The following LIMCH1 variants were observed in gnomAD, a reference collection of about 807,000 sequenced individuals.
LIMCH1 encodes the protein LIM and calponin homology domains-containing protein 1.
In LIMCH1, 113 loss-of-function variants were observed where a neutral mutation model predicts 176.5. The observed-to-expected ratio is 0.64, with a 90% CI of 0.55 to 0.75. LIMCH1 has a LOEUF of 0.75. Among genes scored for constraint, LIMCH1 ranks in the 30% least tolerant of loss-of-function variants. The probability of loss-of-function intolerance (pLI) is 0.00; values close to 1 mark genes in which losing one functional copy is unlikely to be tolerated. For synonymous variants in LIMCH1, 619 were observed against 645.9 expected (o/e 0.96, Z 0.63); for missense variants, 1,674 against 1,814.9 (o/e 0.92, Z 1.41).
rs574172007 is a variant in LIMCH1 at position 41,450,573 on chromosome 4, G to A, written c.97-43963G>A. Among the ~76,000 whole-genome samples the A allele has an allele frequency of 4.4e-3, 676 of 151,934 alleles. 3 individuals are homozygous for A. The highest frequency in any genetic ancestry group is 0.016 in the African/African-American group (651 of 41,438). On this transcript the variant is annotated intron_variant, in intron 1 of 26. Transcript: ENST00000313860. ...TCCCAGCACTTTGGGAGGCTGAGGC[G>A]GGCGGATCACTTGAGGTCAGGAGTT... is the stretch of plus-strand genomic sequence containing the variant.
chr4:41,430,583 A>C (rs1258730393), intron 1 of LIMCH1, among the ~76,000 whole-genome samples: 1 of 152,232 alleles, frequency 6.6e-6, no homozygotes, highest in African/African-American at 2.4e-5. Context: ...GTATTTTAAA[A>C]GATTAGGAAT....
chr4:41,487,721 T>G (rs546455269), intron 1 of LIMCH1, among the ~76,000 whole-genome samples: 13 of 145,998 alleles, frequency 8.9e-5, no homozygotes, highest in Non-Finnish European at 1.8e-4. Context: ...TGCAGTGGTG[T>G]GATCTCGGCT....
chr4:41,619,051 T>G (rs2092362838), intron 5 of LIMCH1, 137 bp from the exon 6 acceptor site: 3 of 1,025,374 alleles, frequency 2.9e-6, no homozygotes, highest in Admixed American at 2.2e-5. Context: ...AATCTACACT[T>G]TAGATTTGTT....
At chr4:41,413,245 G>T in intron 1 of LIMCH1, among the ~76,000 whole-genome samples, 4 of 143,562 alleles carry the variant, frequency 2.8e-5, no homozygotes, top group Admixed American at 7.0e-5. Flanking sequence ...TTAAATATCA[G>T]TTTTGTGTGT....
At chr4:41,436,800 GA>G (rs33940518) in intron 1 of LIMCH1, among the ~76,000 whole-genome samples, 20,367 of 150,598 alleles carry the variant, frequency 0.14, 1,589 homozygotes, top group South Asian at 0.22. Flanking sequence ...GGAGCTGGTT[GA>G]AAAAAAAAAT....
In LIMCH1 at chr4:41,484,862, A is replaced by C. The variant is rs534080536; in HGVS notation, c.97-9674A>C. ...TAAACTCTTCTTCAGACAGTTTGTG[A>C]GTGGACTGTAGTTTGTCTACCAGAT... On this transcript the variant is annotated intron_variant, in intron 1 of 26. Transcript: ENST00000313860. Among the ~76,000 whole-genome samples the C allele has an allele frequency of 3.3e-5, 5 of 152,320 alleles. No homozygotes were observed. In the South Asian group the frequency reaches 1.0e-3, roughly 32 times the overall value.
At position 41,691,703 on chromosome 4, in the gene LIMCH1, C is replaced by A. The variant is rs1028130040; in HGVS notation, c.4276-579C>A. On this transcript the variant is annotated intron_variant, in intron 30 of 31. Transcript: ENST00000503057. Reference sequence around the variant, plus strand: ...GCTTGAGCCCAGGAAGTGGAGGTTGCAGTGAGCTGAGATCATGCCATTGCA... The same window carrying A: ...GCTTGAGCCCAGGAAGTGGAGGTTGAAGTGAGCTGAGATCATGCCATTGCA... 7.9e-5 allele frequency among the ~76,000 whole-genome samples: 12 copies of A among 152,088 alleles called. No homozygotes were observed. The East Asian group carries it at 1.5e-3, about 20-fold the overall frequency.
At chr4:41,524,595 C>T (rs554439693) in intron 3 of LIMCH1, 37 of 773,106 alleles carry the variant, frequency 4.8e-5, no homozygotes, top group African/African-American at 2.1e-4. Flanking sequence ...TGAATGAGAA[C>T]GCATTGAATC....
chr4:41,531,830 G>T (rs2077354010), intron 3 of LIMCH1, among the ~76,000 whole-genome samples: 1 of 152,140 alleles, frequency 6.6e-6, no homozygotes, highest in South Asian at 2.1e-4. Context: ...TGTAGTAGTT[G>T]CATGGTACGA....
intron 1 of LIMCH1, among the ~76,000 whole-genome samples, chr4:41,482,401 G>A (rs930766486): frequency 1.3e-5 from 2 of 152,174 alleles, no homozygotes; most frequent in Non-Finnish European, 2.9e-5. Flanking sequence ...GGAAGAGAAT[G>A]ACATAGAAGT....
At chr4:41,428,035 A>G (rs7675059) in intron 1 of LIMCH1, among the ~76,000 whole-genome samples, 35,640 of 151,978 alleles carry the variant, frequency 0.23, 5,344 homozygotes, top group African/African-American at 0.41. Context: ...TGTGTGCTGG[A>G]GAATAATAAG....
At chr4:41,532,162 G>A (rs1020750999) in intron 3 of LIMCH1, among the ~76,000 whole-genome samples, 7 of 152,092 alleles carry the variant, frequency 4.6e-5, no homozygotes, top group South Asian at 2.1e-4. Context: ...ACTACACACC[G>A]CAGGGAAAAA....
At chr4:41,360,137 G>A (rs183240745), upstream of LIMCH1, among the ~76,000 whole-genome samples, 2 of 152,156 alleles carry the variant, frequency 1.3e-5, no homozygotes, top group Non-Finnish European at 2.9e-5. This position sits in a 1 kb window ranked among gnomAD's most constrained non-coding sequence, Gnocchi z 4.5. Context: ...TGACTGCATC[G>A]ACAGACTAGG....
At chr4:41,556,570 G>A (rs1391166502) in intron 1 of LIMCH1, among the ~76,000 whole-genome samples, 1 of 151,958 alleles carries the variant, frequency 6.6e-6, no homozygotes, top group African/African-American at 2.4e-5. Flanking sequence ...TCTATTGCTT[G>A]GACCCTGCCT....
chr4:41,361,632 G>A (rs1160209508), intron 1 of LIMCH1, among the ~76,000 whole-genome samples: 1 of 152,206 alleles, frequency 6.6e-6, no homozygotes, highest in Non-Finnish European at 1.5e-5. Context: ...GGTCTGGTTG[G>A]CATATTTCAC....
chr4:41,685,618 C>G, intron 27 of LIMCH1, 92 bp from the exon 28 acceptor site: 1 of 1,487,660 alleles, frequency 6.7e-7, no homozygotes, highest in Non-Finnish European at 9.3e-7. Context: ...TATAAAACCT[C>G]AACAGGCATT....
intron 23 of LIMCH1, among the ~76,000 whole-genome samples, chr4:41,679,560 G>A (rs538234233): frequency 2.0e-5 from 3 of 152,210 alleles, no homozygotes; most frequent in South Asian, 4.1e-4. Flanking sequence ...TCTTGTCCAC[G>A]GTGGACCTTT....
intron 4 of LIMCH1, among the ~76,000 whole-genome samples, chr4:41,609,980 C>T (rs980068686): frequency 1.3e-5 from 2 of 152,328 alleles, no homozygotes; most frequent in Middle Eastern, 6.8e-3. Flanking sequence ...GTCACTTCAC[C>T]CTGAGCTTCC....
At chr4:41,569,673 G>A (rs967788530) in intron 1 of LIMCH1, among the ~76,000 whole-genome samples, 39 of 152,090 alleles carry the variant, frequency 2.6e-4, no homozygotes, top group African/African-American at 8.7e-4. Flanking sequence ...GTATGTACTC[G>A]GATTACTGGA....
Sources: gnomAD v4.1 joint callset for allele counts (sites outside exome capture counted in the v4.1 genomes callset) on GRCh38, gnomAD v4.1.1 for gene constraint, Gnocchi (gnomAD v3.1) non-coding constraint, MANE v1.5 for transcripts, NCBI Gene and HGNC (gene_info 2026-07-23, HGNC 2026-07-21) for gene names.